The following TMTC2 variants were observed in gnomAD, a reference collection of about 807,000 sequenced individuals.
TMTC2 encodes the protein protein O-mannosyl-transferase TMTC2.
Under a neutral mutation model 82.4 loss-of-function variants are expected in TMTC2, and 43 were observed. That is an observed-to-expected ratio of 0.52 (90% confidence interval 0.41 to 0.67). The LOEUF (loss-of-function observed/expected upper bound fraction) is 0.67. Among genes scored for constraint, TMTC2 ranks in the 30% least tolerant of loss-of-function variants. The probability of loss-of-function intolerance (pLI) is 0.00; values close to 1 mark genes in which losing one functional copy is unlikely to be tolerated. For synonymous variants in TMTC2, 408 were observed against 381.9 expected, an observed-to-expected ratio of 1.07 and a Z score of -0.80; for missense variants, 919 against 1,012.4, an observed-to-expected ratio of 0.91 and a Z score of 1.25.
intron 11 of TMTC2, among the ~76,000 whole-genome samples, chr12:83,094,876 T>C (rs1883969674): frequency 6.6e-6 from 1 of 152,182 alleles, no homozygotes; most frequent in Non-Finnish European, 1.5e-5. Context: ...GATTATTGGG[T>C]ATCCTGGAAG....
chr12:82,911,005 C>T (rs535096512), intron 3 of TMTC2, among the ~76,000 whole-genome samples: 2 of 152,082 alleles, frequency 1.3e-5, no homozygotes, highest in East Asian at 1.9e-4. Flanking sequence ...CTCAGCCTCC[C>T]GAGTAGCTGG....
chr12:82,755,767 A>C (rs1192532491), intron 1 of TMTC2, among the ~76,000 whole-genome samples: 3 of 152,128 alleles, frequency 2.0e-5, no homozygotes, highest in Non-Finnish European at 4.4e-5. Context: ...ACACCCTTGT[A>C]AGTTTAGTGT....
At chr12:83,089,118 G>T (rs890319648) in intron 11 of TMTC2, among the ~76,000 whole-genome samples, 29 of 152,206 alleles carry the variant, frequency 1.9e-4, no homozygotes, top group Non-Finnish European at 3.8e-4. Context: ...AGAACACTTT[G>T]GTTTGTAGGA....
chr12:82,854,701 G>T (rs1020465808), intron 1 of TMTC2, among the ~76,000 whole-genome samples: 10 of 152,226 alleles, frequency 6.6e-5, no homozygotes, highest in African/African-American at 2.4e-4. Context: ...AACCATCCCG[G>T]CCACATGGAG....
At chr12:83,048,976 G>T (rs1882245931) in intron 9 of TMTC2, among the ~76,000 whole-genome samples, 1 of 152,176 alleles carries the variant, frequency 6.6e-6, no homozygotes, top group Non-Finnish European at 1.5e-5. Context: ...GCCAGCTATG[G>T]TTTATTTTAA....
chr12:83,071,189 C>G (rs549746738), intron 11 of TMTC2, among the ~76,000 whole-genome samples: 69 of 142,592 alleles, frequency 4.8e-4, no homozygotes, highest in African/African-American at 1.8e-3. Context: ...GAGTCTCGCT[C>G]TGTCGCCTAG....
intron 2 of TMTC2, among the ~76,000 whole-genome samples, chr12:82,885,333 T>C (rs1170504538): frequency 6.6e-6 from 1 of 151,934 alleles, no homozygotes; most frequent in Non-Finnish European, 1.5e-5. Context: ...TTAATTTTGT[T>C]ATCTGTTTTC....
At chr12:83,074,208 G>A (rs1317781126) in intron 11 of TMTC2, among the ~76,000 whole-genome samples, 2 of 152,068 alleles carry the variant, frequency 1.3e-5, no homozygotes, top group Non-Finnish European at 2.9e-5. Flanking sequence ...TATGGATGTG[G>A]CTTCCTGGGA....
intron 1 of TMTC2, among the ~76,000 whole-genome samples, chr12:82,819,303 C>T (rs1475283478): frequency 6.6e-6 from 1 of 151,944 alleles, no homozygotes; most frequent in Admixed American, 6.6e-5. Flanking sequence ...TCGAATTGCT[C>T]TTATAATGTT....
At chr12:83,025,430 T>C (rs1881121886) in intron 8 of TMTC2, among the ~76,000 whole-genome samples, 2 of 151,166 alleles carry the variant, frequency 1.3e-5, no homozygotes, top group Admixed American at 1.3e-4. Flanking sequence ...TTTATATTTA[T>C]GTATAGTAGA....
chr12:82,990,990 G>A (rs559372476), intron 8 of TMTC2, among the ~76,000 whole-genome samples: 3 of 152,130 alleles, frequency 2.0e-5, no homozygotes, highest in Non-Finnish European at 4.4e-5. Flanking sequence ...TCCTAGATGG[G>A]GAGATGGGCA....
At chr12:82,825,069 A>G (rs911247453) in intron 1 of TMTC2, among the ~76,000 whole-genome samples, 1 of 151,716 alleles carries the variant, frequency 6.6e-6, no homozygotes, top group Non-Finnish European at 1.5e-5. Context: ...AGTCTGAGTG[A>G]CAAAACAAGA....
intron 4 of TMTC2, among the ~76,000 whole-genome samples, chr12:82,956,012 G>A (rs796416411): frequency 3.3e-4 from 50 of 151,916 alleles, no homozygotes; most frequent in African/African-American, 1.1e-3. Flanking sequence ...AGGCAACTCC[G>A]TATGATATGG....
intron 11 of TMTC2, among the ~76,000 whole-genome samples, chr12:83,121,729 C>A (rs1457221133): frequency 6.6e-6 from 1 of 151,996 alleles, no homozygotes; most frequent in African/African-American, 2.4e-5. Flanking sequence ...AGAGTATATA[C>A]CCTTTGTCTT....
At chr12:82,758,583 T>G (rs1876459717) in intron 1 of TMTC2, 1 of 152,168 alleles carries the variant, frequency 6.6e-6, no homozygotes, top group Non-Finnish European at 1.5e-5. Flanking sequence ...AATTATAAAT[T>G]TTGTAAAATT....
At position 83,098,657 on chromosome 12, in the gene TMTC2, C is replaced by T. The variant is rs575285277; in HGVS notation, c.2332-33553C>T. Among the ~76,000 whole-genome samples, 17 of 152,298 alleles carry T rather than the reference C, an allele frequency of 1.1e-4. No individual in the cohort carries two copies. In the South Asian group the frequency reaches 1.2e-3, roughly 11 times the overall value. The stretch of plus-strand genomic sequence containing the variant: ...GTCATGTTTCTAACACAAGTTTTAT[C>T]GGAAACCAGATATGTAGATGAGCTC... On this transcript the variant is annotated intron_variant, in intron 11 of 11. Coordinates refer to ENST00000321196, the MANE Select transcript of TMTC2 (RefSeq NM_152588.3).
At chr12:82,874,390 A>C (rs1565787741) in intron 2 of TMTC2, among the ~76,000 whole-genome samples, 1 of 152,214 alleles carries the variant, frequency 6.6e-6, no homozygotes, top group Non-Finnish European at 1.5e-5. Context: ...ATAATTTAAA[A>C]TATAATTTTA....
chr12:83,006,263 CTT>C (rs1009225924), intron 8 of TMTC2, among the ~76,000 whole-genome samples: 2 of 152,146 alleles, frequency 1.3e-5, no homozygotes, highest in African/African-American at 4.8e-5. Flanking sequence ...TCTGTCAACT[CTT>C]AGTGTTTTCT....
chr12:83,056,215 A>G (rs1565871529), intron 10 of TMTC2, among the ~76,000 whole-genome samples: 2 of 151,968 alleles, frequency 1.3e-5, no homozygotes, highest in Non-Finnish European at 2.9e-5. Context: ...ATTCTCAAAG[A>G]GATATTAACA....
Sources: gnomAD v4.1 joint callset for allele counts (sites outside exome capture counted in the v4.1 genomes callset) on GRCh38, gnomAD v4.1.1 for gene constraint, MANE v1.5 for transcripts, NCBI Gene and HGNC (gene_info 2026-07-23, HGNC 2026-07-21) for gene names.